The following CNTNAP2 variants were observed in gnomAD, a reference collection of about 807,000 sequenced individuals.
CNTNAP2 encodes the protein contactin associated protein 2.
A neutral mutation model predicts 155.2 loss-of-function variants in CNTNAP2; 98 were observed. That is an observed-to-expected ratio of 0.63 (90% confidence interval 0.54 to 0.75). The LOEUF (loss-of-function observed/expected upper bound fraction) is 0.75. CNTNAP2 is among the 30% of genes least tolerant of loss of function. CNTNAP2 has a pLI of 0.00. For missense variants in CNTNAP2, 1,727 were observed against 1,688.1 expected (o/e 1.02, Z -0.40); for synonymous variants, 651 against 631.2 (o/e 1.03, Z -0.47).
chr7:148,033,622 G>C (rs1455756799), intron 15 of CNTNAP2, among the ~76,000 whole-genome samples: 1 of 152,102 alleles, frequency 6.6e-6, no homozygotes, highest in African/African-American at 2.4e-5. Flanking sequence ...CTATTGCTTG[G>C]AATGTTTTAA....
chr7:147,841,225 A>G (rs1387519300), intron 13 of CNTNAP2, among the ~76,000 whole-genome samples: 2 of 152,202 alleles, frequency 1.3e-5, no homozygotes, highest in Admixed American at 1.3e-4. Context: ...TTCTGAGTCC[A>G]CATAATGATA....
At chr7:146,324,213 G>C (rs937554066) in intron 1 of CNTNAP2, among the ~76,000 whole-genome samples, 12 of 152,146 alleles carry the variant, frequency 7.9e-5, no homozygotes, top group African/African-American at 2.9e-4. Context: ...AGTGAGCTGA[G>C]ATGGAACGAT....
At chr7:146,388,275 A>G (rs1197007418) in intron 1 of CNTNAP2, among the ~76,000 whole-genome samples, 1 of 151,922 alleles carries the variant, frequency 6.6e-6, no homozygotes, top group Non-Finnish European at 1.5e-5. Context: ...TACAAAAAGA[A>G]ATGCAAAAAA....
chr7:147,388,511 T>A (rs1419036199), intron 9 of CNTNAP2, among the ~76,000 whole-genome samples: 1 of 152,238 alleles, frequency 6.6e-6, no homozygotes, highest in Non-Finnish European at 1.5e-5. Context: ...TATCTACATA[T>A]AGTGAAAACC....
At chr7:146,415,127 G>A (rs1413892247) in intron 1 of CNTNAP2, among the ~76,000 whole-genome samples, 1 of 152,024 alleles carries the variant, frequency 6.6e-6, no homozygotes, top group African/African-American at 2.4e-5. Context: ...ACAATTGACA[G>A]CTTCAATTCA....
chr7:146,895,206 C>A (rs1489575234), intron 3 of CNTNAP2, among the ~76,000 whole-genome samples: 2 of 150,706 alleles, frequency 1.3e-5, no homozygotes, highest in African/African-American at 4.9e-5. Flanking sequence ...TCCTTCCCTT[C>A]CTTCCTTCCT....
intron 13 of CNTNAP2, among the ~76,000 whole-genome samples, chr7:147,740,852 G>A (rs528072836): frequency 5.3e-5 from 8 of 152,202 alleles, no homozygotes; most frequent in Non-Finnish European, 7.3e-5. Flanking sequence ...GGAAGGAGTC[G>A]AAGGGGAGCA....
In CNTNAP2 at chr7:146,372,549, A is replaced by G. The variant is rs1306281077; in HGVS notation, c.97+255576A>G. ...ACCACATGTTTTAAAAGCAACTGAA[A>G]CCAATTTTAATTTCTAAGAAGTAAT... On this transcript the variant is annotated intron_variant, in intron 1 of 23. Transcript: ENST00000361727. Among the ~76,000 whole-genome samples, 31 of 152,202 alleles carry G rather than the reference A, an allele frequency of 2.0e-4. 1 individual carries two copies. The highest frequency in any genetic ancestry group is 2.0e-3 in the Admixed American group (31 of 15,278).
At chr7:148,240,533 A>G (rs1350716102) in intron 20 of CNTNAP2, among the ~76,000 whole-genome samples, 3 of 152,208 alleles carry the variant, frequency 2.0e-5, no homozygotes, top group African/African-American at 7.2e-5. Context: ...TGTTGAATTC[A>G]GAGGTTATTA....
At chr7:147,929,133 A>G (rs1420088206) in intron 14 of CNTNAP2, among the ~76,000 whole-genome samples, 3 of 136,562 alleles carry the variant, frequency 2.2e-5, no homozygotes, top group Non-Finnish European at 3.1e-5. Context: ...TTAAATCTTT[A>G]TATGTGATCT....
At chr7:146,693,632 T>C (rs1014576854) in intron 1 of CNTNAP2, among the ~76,000 whole-genome samples, 1 of 152,178 alleles carries the variant, frequency 6.6e-6, no homozygotes, top group African/African-American at 2.4e-5. Flanking sequence ...TCCTCATCTA[T>C]TAAATTGCAA....
chr7:146,494,451 TAA>T (rs1797185138), intron 1 of CNTNAP2, among the ~76,000 whole-genome samples: 1 of 151,868 alleles, frequency 6.6e-6, no homozygotes, highest in South Asian at 2.1e-4. Flanking sequence ...AAGTGAAAAA[TAA>T]AAGTTTCCCT....
intron 6 of CNTNAP2, among the ~76,000 whole-genome samples, chr7:147,125,042 G>A (rs915593844): frequency 5.9e-5 from 9 of 151,612 alleles, no homozygotes; most frequent in African/African-American, 7.3e-5. Flanking sequence ...CACTATGCCC[G>A]GCTATTTTTT....
At chr7:146,966,799 C>G (rs1797667300) in intron 3 of CNTNAP2, among the ~76,000 whole-genome samples, 1 of 152,206 alleles carries the variant, frequency 6.6e-6, no homozygotes, top group African/African-American at 2.4e-5. Context: ...TTTCTGTACT[C>G]CTGCCTCAGC....
intron 11 of CNTNAP2, among the ~76,000 whole-genome samples, chr7:147,560,368 A>G (rs1211321914): frequency 6.6e-6 from 1 of 152,122 alleles, no homozygotes; most frequent in Non-Finnish European, 1.5e-5. Context: ...AAGTTGATAT[A>G]AAACCTATAT....
At chr7:148,059,590 C>CA (rs200397254) in intron 15 of CNTNAP2, among the ~76,000 whole-genome samples, 5,176 of 72,488 alleles carry the variant, frequency 0.071, 302 homozygotes, top group East Asian at 0.39. Context: ...AACTCTGTCT[C>CA]AAAAAAAAAA....
intron 9 of CNTNAP2, among the ~76,000 whole-genome samples, chr7:147,374,601 C>G (rs1283934644): frequency 6.6e-6 from 1 of 151,972 alleles, no homozygotes; most frequent in African/African-American, 2.4e-5. Flanking sequence ...AGCTTGTTGG[C>G]TGATGGATTT....
intron 1 of CNTNAP2, among the ~76,000 whole-genome samples, chr7:146,325,513 T>C (rs1801082516): frequency 6.6e-6 from 1 of 152,146 alleles, no homozygotes; most frequent in African/African-American, 2.4e-5. Context: ...CATATGTTTT[T>C]ATAGCCCCTT....
intron 8 of CNTNAP2, among the ~76,000 whole-genome samples, chr7:147,228,712 T>C (rs937145376): frequency 6.6e-6 from 1 of 152,164 alleles, no homozygotes; most frequent in Non-Finnish European, 1.5e-5. Flanking sequence ...AACATGCAGG[T>C]TTGTTACGTA....
Sources: gnomAD v4.1 joint callset for allele counts (sites outside exome capture counted in the v4.1 genomes callset) on GRCh38, gnomAD v4.1.1 for gene constraint, MANE v1.5 for transcripts, NCBI Gene and HGNC (gene_info 2026-07-23, HGNC 2026-07-21) for gene names.